NKAIN2: variants seen among roughly 807,000 people sequenced by gnomAD.
The protein encoded by NKAIN2 is sodium/potassium-transporting ATPase subunit beta-1-interacting protein 2.
Under a neutral mutation model 32.6 loss-of-function variants are expected in NKAIN2, and 14 were observed. That is an observed-to-expected ratio of 0.43 (90% confidence interval 0.28 to 0.67). NKAIN2 has a LOEUF of 0.67. Among genes scored for constraint, NKAIN2 ranks in the 30% least tolerant of loss-of-function variants. The probability of loss-of-function intolerance (pLI) is 0.17; values close to 1 mark genes in which losing one functional copy is unlikely to be tolerated. For synonymous variants in NKAIN2, 80 were observed against 87.2 expected, an observed-to-expected ratio of 0.92 and a Z score of 0.46; for missense variants, 198 against 258.3, an observed-to-expected ratio of 0.77 and a Z score of 1.60.
intron 1 of NKAIN2, among the ~76,000 whole-genome samples, chr6:123,994,159 GA>G: frequency 1.3e-5 from 2 of 151,086 alleles, no homozygotes; most frequent in Non-Finnish European, 2.9e-5. Flanking sequence ...TCCCTAAAAT[GA>G]ATCTCAGTTT....
At chr6:124,675,861 G>A (rs898709082) in intron 4 of NKAIN2, among the ~76,000 whole-genome samples, 7 of 150,294 alleles carry the variant, frequency 4.7e-5, no homozygotes, top group African/African-American at 1.5e-4. Context: ...CCTTCCTTCT[G>A]TTCAAAATTG....
At chr6:124,786,235 A>C (rs547396903) in intron 4 of NKAIN2, among the ~76,000 whole-genome samples, 1 of 151,976 alleles carries the variant, frequency 6.6e-6, no homozygotes, top group South Asian at 2.1e-4. Flanking sequence ...ACCCTCATGT[A>C]CTTTTTTGAG....
At chr6:124,099,654 G>C (rs1488720320) in intron 1 of NKAIN2, among the ~76,000 whole-genome samples, 1 of 152,172 alleles carries the variant, frequency 6.6e-6, no homozygotes, top group African/African-American at 2.4e-5. Context: ...GGAGGAGGTG[G>C]GGGAATGTTG....
chr6:123,996,462 C>T (rs545665088), intron 1 of NKAIN2, among the ~76,000 whole-genome samples: 2 of 152,042 alleles, frequency 1.3e-5, no homozygotes, highest in East Asian at 1.9e-4. Context: ...AGTTAGCTAC[C>T]AAGCTTGTGA....
intron 3 of NKAIN2, among the ~76,000 whole-genome samples, chr6:124,644,275 T>A (rs1211786841): frequency 6.6e-6 from 1 of 152,196 alleles, no homozygotes; most frequent in Non-Finnish European, 1.5e-5. Context: ...TGAGAACATA[T>A]AATTATGAAA....
intron 3 of NKAIN2, among the ~76,000 whole-genome samples, chr6:124,657,518 A>T (rs528159986): frequency 6.6e-6 from 1 of 152,284 alleles, no homozygotes; most frequent in Non-Finnish European, 1.5e-5. Context: ...TTGATTTATT[A>T]TCTCCACCCT....
At chr6:124,613,457 A>G (rs756161873) in intron 3 of NKAIN2, among the ~76,000 whole-genome samples, 3 of 152,196 alleles carry the variant, frequency 2.0e-5, no homozygotes, top group Non-Finnish European at 2.9e-5. Flanking sequence ...GTTTCTGATT[A>G]TGATTTGGCT....
At chr6:124,331,025 G>T (rs1797628129) in intron 2 of NKAIN2, among the ~76,000 whole-genome samples, 1 of 152,012 alleles carries the variant, frequency 6.6e-6, no homozygotes, top group African/African-American at 2.4e-5. Flanking sequence ...TTGGTCCCTG[G>T]TGCCAAAAAG....
At chr6:124,735,836 C>T (rs975327750) in intron 4 of NKAIN2, among the ~76,000 whole-genome samples, 35 of 151,926 alleles carry the variant, frequency 2.3e-4, no homozygotes, top group Non-Finnish European at 1.3e-4. Context: ...ACTGGCCATT[C>T]CCCCATCTCT....
At chr6:124,431,178 CAG>C (rs1775203951) in intron 3 of NKAIN2, among the ~76,000 whole-genome samples, 1 of 152,160 alleles carries the variant, frequency 6.6e-6, no homozygotes, top group Non-Finnish European at 1.5e-5. Flanking sequence ...GCTTGGGAAA[CAG>C]AAACTGCCAA....
chr6:124,565,138 A>G (rs1476021992), intron 3 of NKAIN2, among the ~76,000 whole-genome samples: 2 of 152,166 alleles, frequency 1.3e-5, no homozygotes, highest in African/African-American at 4.8e-5. Flanking sequence ...AGAGTCTCAC[A>G]GGGCAATAGA....
chr6:124,376,580 C>G (rs888041522), intron 3 of NKAIN2, among the ~76,000 whole-genome samples: 3 of 152,094 alleles, frequency 2.0e-5, no homozygotes, highest in African/African-American at 7.2e-5. Context: ...TAAAAGTTTT[C>G]TCTCTTTATT....
At position 124,132,258 on chromosome 6, in the gene NKAIN2, G is replaced by A. The variant is rs190204735; in HGVS notation, c.55-150747G>A. On this transcript the variant is annotated intron_variant, in intron 1 of 6. Coordinates refer to ENST00000368417, the MANE Select transcript of NKAIN2 (RefSeq NM_001040214.3). The stretch of plus-strand genomic sequence containing the variant: ...CTGTCCCCCACAGTGGCTACAACAA[G>A]CTCTCTCCAAGGAGAGTCTGAGCTC... 5.3e-5 allele frequency among the ~76,000 whole-genome samples: 8 copies of A among 152,284 alleles called. No homozygotes were observed. In the East Asian group the frequency reaches 1.5e-3, roughly 29 times the overall value.
intron 3 of NKAIN2, among the ~76,000 whole-genome samples, chr6:124,423,222 T>C (rs1774835764): frequency 6.6e-6 from 1 of 152,170 alleles, no homozygotes; most frequent in African/African-American, 2.4e-5. Flanking sequence ...ATATGAACTA[T>C]TACTATTAAT....
chr6:124,185,374 G>A (rs1218886261), intron 1 of NKAIN2, among the ~76,000 whole-genome samples: 1 of 152,078 alleles, frequency 6.6e-6, no homozygotes, highest in Non-Finnish European at 1.5e-5. Flanking sequence ...AGTACTGTGT[G>A]TCAGCTACAA....
At chr6:123,839,990 G>C (rs1411576376) in intron 1 of NKAIN2, among the ~76,000 whole-genome samples, 1 of 151,986 alleles carries the variant, frequency 6.6e-6, no homozygotes, top group East Asian at 1.9e-4. Flanking sequence ...AAAATAAATT[G>C]ATTTCTAACA....
intron 1 of NKAIN2, among the ~76,000 whole-genome samples, chr6:123,959,925 ATGTGTGTGTGTGTG>A (rs6149793): frequency 0.013 from 1,856 of 141,294 alleles, 17 homozygotes; most frequent in South Asian, 0.027. Context: ...TCTTCCATAT[ATGTGTGTGTGTGTG>A]TGTGTGTGTG....
At chr6:124,114,563 A>G (rs1252812761) in intron 1 of NKAIN2, among the ~76,000 whole-genome samples, 8 of 152,056 alleles carry the variant, frequency 5.3e-5, no homozygotes, top group Admixed American at 3.3e-4. Flanking sequence ...AAGCCATGAG[A>G]TTTGGTGAGA....
At chr6:124,663,361 G>A (rs1772586381) in intron 4 of NKAIN2, among the ~76,000 whole-genome samples, 1 of 151,926 alleles carries the variant, frequency 6.6e-6, no homozygotes, top group African/African-American at 2.4e-5. Flanking sequence ...AAACTGGGAG[G>A]TGGAGGTTGC....
Sources: allele counts gnomAD v4.1 joint callset (sites outside exome capture counted in the v4.1 genomes callset), GRCh38; gene constraint gnomAD v4.1.1; transcripts MANE v1.5; gene names NCBI Gene and HGNC (gene_info 2026-07-23, HGNC 2026-07-21).